The following KCNMA1 variants were observed in gnomAD, a reference collection of about 807,000 sequenced individuals.
The protein encoded by KCNMA1 is potassium calcium-activated channel subfamily M alpha 1, also known as Calcium-activated potassium channel subunit alpha-1.
In KCNMA1, 29 loss-of-function variants were observed where a neutral mutation model predicts 140.0. The observed-to-expected ratio is 0.21, with a 90% CI of 0.15 to 0.28. The LOEUF is 0.28. Among genes scored for constraint, KCNMA1 ranks in the 10% least tolerant of loss-of-function variants. The pLI is 1.00. For synonymous variants in KCNMA1, 612 were observed against 611.9 expected (o/e 1.00, Z 0.00); for missense variants, 880 against 1,602.2 (o/e 0.55, Z 7.70).
intron 3 of KCNMA1, among the ~76,000 whole-genome samples, chr10:77,186,632 A>G (rs2098858004): frequency 6.6e-6 from 1 of 152,170 alleles, no homozygotes; most frequent in Non-Finnish European, 1.5e-5. Context: ...TTTCAAAAAC[A>G]AGACCCAAAG....
chr10:77,001,702 G>T, intron 18 of KCNMA1, 122 bp from the exon 19 acceptor site: 1 of 738,890 alleles, frequency 1.4e-6, no homozygotes, highest in Non-Finnish European at 2.2e-6. Context: ...CACTTTAACA[G>T]TCTTGACCCA....
intron 1 of KCNMA1, among the ~76,000 whole-genome samples, chr10:77,600,072 C>T (rs977601462): frequency 2.0e-5 from 3 of 152,180 alleles, no homozygotes; most frequent in African/African-American, 4.8e-5. Context: ...CTGATCGCAT[C>T]ATTTTTTCAG....
intron 3 of KCNMA1, among the ~76,000 whole-genome samples, chr10:77,203,516 C>G (rs889262057): frequency 2.0e-5 from 3 of 152,092 alleles, no homozygotes; most frequent in African/African-American, 7.2e-5. Flanking sequence ...GCGCTCATCA[C>G]TCATGAAGTG....
chr10:77,279,318 C>T (rs1265769545), intron 2 of KCNMA1, among the ~76,000 whole-genome samples: 1 of 152,134 alleles, frequency 6.6e-6, no homozygotes, highest in Non-Finnish European at 1.5e-5. Flanking sequence ...AATGCAGCTG[C>T]TGAAAACACG....
chr10:76,977,785 T>C (rs1321257692), intron 19 of KCNMA1: 4 of 601,448 alleles, frequency 6.7e-6, no homozygotes, highest in Non-Finnish European at 1.2e-5. Flanking sequence ...GGTCCGCTCG[T>C]GTTTGAGGTC....
intron 1 of KCNMA1, among the ~76,000 whole-genome samples, chr10:77,503,529 G>A (rs979212430): frequency 5.9e-5 from 9 of 152,252 alleles, no homozygotes; most frequent in Non-Finnish European, 7.3e-5. Context: ...TCAAAAAGCC[G>A]GGTGGCTTTA....
intron 20 of KCNMA1, among the ~76,000 whole-genome samples, chr10:76,955,381 C>T (rs1378946698): frequency 6.6e-6 from 1 of 152,132 alleles, no homozygotes; most frequent in African/African-American, 2.4e-5. Flanking sequence ...TACCACGACC[C>T]TCCAATATGC....
At chr10:76,966,789 C>T (rs1359358105) in intron 20 of KCNMA1, among the ~76,000 whole-genome samples, 10 of 152,156 alleles carry the variant, frequency 6.6e-5, no homozygotes, top group Non-Finnish European at 1.3e-4. Context: ...ACCTCCTCTG[C>T]GGGTGTGGAG....
chr10:77,089,907 G>A (rs190417679), intron 10 of KCNMA1, among the ~76,000 whole-genome samples: 2 of 152,212 alleles, frequency 1.3e-5, no homozygotes. Context: ...CACAGTGACG[G>A]GCTAGGGTCC....
At chr10:77,369,575 A>G (rs192168919) in intron 2 of KCNMA1, among the ~76,000 whole-genome samples, 14 of 152,302 alleles carry the variant, frequency 9.2e-5, no homozygotes, top group Admixed American at 9.1e-4. Flanking sequence ...CTTCAATGAG[A>G]ATTTTCAAGA....
chr10:77,593,269 G>A (rs2154565085), intron 1 of KCNMA1, among the ~76,000 whole-genome samples: 1 of 152,298 alleles, frequency 6.6e-6, no homozygotes, highest in South Asian at 2.1e-4. Flanking sequence ...AGGAATGACA[G>A]CCCACAGTCC....
chr10:77,482,383 G>A (rs992800444), intron 1 of KCNMA1, among the ~76,000 whole-genome samples: 14 of 152,250 alleles, frequency 9.2e-5, no homozygotes, highest in African/African-American at 2.9e-4. Flanking sequence ...AAGGGCTGTG[G>A]GGACAGGAGG....
chr10:77,462,302 CAT>C (rs987302589), intron 1 of KCNMA1, among the ~76,000 whole-genome samples: 58 of 152,302 alleles, frequency 3.8e-4, no homozygotes, highest in Non-Finnish European at 5.3e-4. Context: ...CACACACACA[CAT>C]ACACAGAAAC....
At chr10:77,626,624 C>T (rs1316957231) in intron 1 of KCNMA1, among the ~76,000 whole-genome samples, 2 of 152,138 alleles carry the variant, frequency 1.3e-5, no homozygotes, top group Non-Finnish European at 2.9e-5. Flanking sequence ...GAGAAAACAA[C>T]GTCAATGTGG....
intron 16 of KCNMA1, among the ~76,000 whole-genome samples, chr10:77,025,698 C>A (rs558491037): frequency 6.3e-4 from 95 of 151,734 alleles, no homozygotes; most frequent in Non-Finnish European, 1.0e-3. Context: ...CACACCCAGT[C>A]AGTTAGAAAA....
At chr10:77,471,715 C>G (rs897848592) in intron 1 of KCNMA1, among the ~76,000 whole-genome samples, 4 of 150,010 alleles carry the variant, frequency 2.7e-5, no homozygotes, top group African/African-American at 9.8e-5. Context: ...ATACACATAT[C>G]ACACATACAC....
intron 2 of KCNMA1, 141 bp from the exon 3 acceptor site, chr10:77,251,397 GC>G: frequency 1.4e-6 from 1 of 717,198 alleles, no homozygotes; most frequent in Non-Finnish European, 2.5e-6. Flanking sequence ...CTCATCCCCA[GC>G]CCCCCATTAC....
Position 77,434,487 on chromosome 10 carries a change from G to A in KCNMA1, c.379-30464C>T, listed in dbSNP as rs540136627. ...CTGCACCAGCTCAACCCTCTCCTAAGCGAGAGGCTCCCCTATTAGCGTGAT... is the reference window on the plus strand; with the variant it reads ...CTGCACCAGCTCAACCCTCTCCTAAACGAGAGGCTCCCCTATTAGCGTGAT... On this transcript the variant is annotated intron_variant, in intron 1 of 27. Transcript: ENST00000286628. 5.9e-5 allele frequency among the ~76,000 whole-genome samples: 9 copies of A among 152,292 alleles called. No individual in the cohort carries two copies. The East Asian group carries it at 1.5e-3, about 26-fold the overall frequency.
intron 3 of KCNMA1, among the ~76,000 whole-genome samples, chr10:77,218,756 G>C (rs975057174): frequency 2.0e-5 from 3 of 152,048 alleles, no homozygotes; most frequent in Middle Eastern, 3.2e-3. Context: ...GTGCAATCTC[G>C]GCTCACTGCA....
Sources: allele counts gnomAD v4.1 joint callset (sites outside exome capture counted in the v4.1 genomes callset), GRCh38; gene constraint gnomAD v4.1.1; transcripts MANE v1.5; gene names NCBI Gene and HGNC (gene_info 2026-07-23, HGNC 2026-07-21).